Variants in RPS6KA2 observed in about 807,000 individuals in gnomAD.
RPS6KA2 encodes the protein ribosomal protein S6 kinase alpha-2.
RPS6KA2 carries 42 observed loss-of-function variants against 91.8 expected under a neutral mutation model. The ratio of observed to expected loss-of-function variants is 0.46; its 90% CI spans 0.36 to 0.59. The LOEUF (loss-of-function observed/expected upper bound fraction) is 0.59. Among genes scored for constraint, RPS6KA2 ranks in the 20% least tolerant of loss-of-function variants. The pLI is 0.00. For synonymous variants in RPS6KA2, 414 were observed against 393.6 expected, an observed-to-expected ratio of 1.05 and a Z score of -0.61; for missense variants, 798 against 978.5, an observed-to-expected ratio of 0.82 and a Z score of 2.46.
In RPS6KA2 at chr6:166,498,611, C is replaced by T. The variant is rs1284967726; in HGVS notation, c.644G>A (p.Arg215Lys). The T allele has an allele frequency of 1.2e-6, 2 of 1,614,024 alleles. No homozygotes were observed. Among genetic ancestry groups the T allele is most frequent in the Non-Finnish European group, 1.7e-6 (2 of 1,180,008 alleles). ...GATCGTCCCGCAGAAGGAGTACGCT[C>T]TCTTGTCGTGGTCAATGGCCTCCTT... ...LSKEAIDHDK[R>K]AYSFCGTIEY... is the part of the protein sequence containing the mutation. The change falls in exon 8 of 21, where the codon AGA becomes AAA. Residue 215 changes from arginine (R) to lysine (K), a missense_variant. Transcript: ENST00000265678.
intron 8 of RPS6KA2, among the ~76,000 whole-genome samples, chr6:166,492,851 G>A (rs1422710497): frequency 2.0e-5 from 3 of 150,964 alleles, no homozygotes; most frequent in Non-Finnish European, 4.4e-5. Context: ...GAGTAGCTGG[G>A]ACTACAGGCG....
chr6:166,466,489 G>A (rs905021081), intron 11 of RPS6KA2, among the ~76,000 whole-genome samples: 1 of 152,154 alleles, frequency 6.6e-6, no homozygotes, highest in African/African-American at 2.4e-5. Flanking sequence ...CTGGGGGTTC[G>A]GTGTGAAGAG....
intron 2 of RPS6KA2, among the ~76,000 whole-genome samples, chr6:166,778,289 C>T (rs1437754949): frequency 1.3e-5 from 2 of 152,186 alleles, no homozygotes; most frequent in East Asian, 3.8e-4. Context: ...CGACTGGCGC[C>T]GGCCAACTGA....
At chr6:166,505,922 G>A (rs1197678375) in intron 5 of RPS6KA2, among the ~76,000 whole-genome samples, 1 of 152,202 alleles carries the variant, frequency 6.6e-6, no homozygotes, top group South Asian at 2.1e-4. Flanking sequence ...CATGGGTTTT[G>A]TGTACAATTT....
At chr6:166,712,731 T>C (rs1185715808) in intron 2 of RPS6KA2, among the ~76,000 whole-genome samples, 1 of 152,246 alleles carries the variant, frequency 6.6e-6, no homozygotes, top group East Asian at 1.9e-4. Flanking sequence ...TGTCCCTCGA[T>C]GTCTGGAACA....
intron 2 of RPS6KA2, among the ~76,000 whole-genome samples, chr6:166,808,426 G>C (rs1779547318): frequency 6.6e-6 from 1 of 152,142 alleles, no homozygotes; most frequent in South Asian, 2.1e-4. Flanking sequence ...TATTATTACT[G>C]TTATTGCTTT....
chr6:166,661,750 C>A (rs1788170001), intron 2 of RPS6KA2, among the ~76,000 whole-genome samples: 1 of 152,124 alleles, frequency 6.6e-6, no homozygotes, highest in South Asian at 2.1e-4. Flanking sequence ...CCTTTGCATG[C>A]ATGCTTACAA....
intron 2 of RPS6KA2, among the ~76,000 whole-genome samples, chr6:166,764,753 G>T (rs1448637199): frequency 1.3e-5 from 2 of 152,142 alleles, no homozygotes; most frequent in Non-Finnish European, 2.9e-5. Flanking sequence ...CGCGCCACAG[G>T]GACTGGGACA....
chr6:166,848,013 C>T (rs924408983), intron 2 of RPS6KA2, among the ~76,000 whole-genome samples: 21 of 152,120 alleles, frequency 1.4e-4, no homozygotes, highest in African/African-American at 4.8e-4. Context: ...ACCTATACAT[C>T]CAACAAAGGA....
chr6:166,814,863 T>C (rs1178979150), intron 2 of RPS6KA2, among the ~76,000 whole-genome samples: 1 of 152,220 alleles, frequency 6.6e-6, no homozygotes, highest in African/African-American at 2.4e-5. Context: ...TACGTGATGA[T>C]GAGTTGTATC....
intron 2 of RPS6KA2, among the ~76,000 whole-genome samples, chr6:166,798,556 G>A (rs1779282206): frequency 6.6e-6 from 1 of 152,238 alleles, no homozygotes; most frequent in African/African-American, 2.4e-5. Context: ...AGCCTGCTGG[G>A]TGCTGGCCCT....
At chr6:166,527,194 G>T (rs1365166296) in intron 3 of RPS6KA2, among the ~76,000 whole-genome samples, 1 of 152,212 alleles carries the variant, frequency 6.6e-6, no homozygotes, top group East Asian at 1.9e-4. Context: ...ACAGAGCAGA[G>T]CAGGCAGGCA....
rs373378459 is a variant in RPS6KA2 at position 166,469,806 on chromosome 6, G to C, written c.972+35C>G. The C allele has an allele frequency of 7.6e-6, 12 of 1,572,846 alleles. No homozygotes were observed. The African/African-American group carries it at 8.1e-5, about 11-fold the overall frequency. On this transcript the variant is annotated intron_variant, in intron 11 of 20. Coordinates refer to ENST00000265678, the MANE Select transcript of RPS6KA2 (RefSeq NM_021135.6). ...TTCCCTCCACCCACTTCTGTGTCACGCGTGTGCAGGTGGGGACTGTGGCAT... is the reference window on the plus strand; with the variant it reads ...TTCCCTCCACCCACTTCTGTGTCACCCGTGTGCAGGTGGGGACTGTGGCAT...
chr6:166,663,947 C>T (rs995618653), intron 2 of RPS6KA2, among the ~76,000 whole-genome samples: 1 of 152,228 alleles, frequency 6.6e-6, no homozygotes, highest in Non-Finnish European at 1.5e-5. Flanking sequence ...ACCACTTAGA[C>T]TTGAGATGTC....
chr6:166,419,784 C>A lies in RPS6KA2; in HGVS notation c.1820+98G>T. On this transcript the variant is annotated intron_variant, in intron 18 of 20. Coordinates refer to ENST00000265678, the MANE Select transcript of RPS6KA2 (RefSeq NM_021135.6). The surrounding 1 kb of genome is among the most constrained non-coding windows in gnomAD (Gnocchi z 5.6). ...TACACGTTGGGTTTGCCCACATGCG[C>A]ACACTAGGACAGGGCTGGCCCTGGT... 1.8e-6 allele frequency: 2 copies of A among 1,096,428 alleles called. No homozygotes were observed. The highest frequency in any genetic ancestry group is 1.8e-5 in the Admixed American group (1 of 55,646). The allele number at this position is 1,096,428 out of a possible 1,614,324, so 67.9% of individuals were successfully genotyped here.
chr6:166,656,549 G>GCCCGGCAGGTGCT (rs1788007915), intron 2 of RPS6KA2, among the ~76,000 whole-genome samples: 1 of 152,232 alleles, frequency 6.6e-6, no homozygotes, highest in African/African-American at 2.4e-5. Flanking sequence ...CGGCAGGTGG[G>GCCCGGCAGGTGCT]CCCGGCAGGT....
rs1171792671 is a variant in RPS6KA2 at position 166,494,327 on chromosome 6, C to A, written c.748-3586G>T. On this transcript the variant is annotated intron_variant, in intron 8 of 20. Transcript: ENST00000265678. This position sits in a 1 kb window ranked among gnomAD's most constrained non-coding sequence, Gnocchi z 5.1. ...GTCTCAAAACAGCCTTGGAAGGTGC[C>A]GTTCCTCACAACCGTCTACAGATGA... Among the ~76,000 whole-genome samples, 1 of 152,276 alleles carries A rather than the reference C, an allele frequency of 6.6e-6. No homozygotes were observed. The highest frequency in any genetic ancestry group is 1.9e-4 in the East Asian group (1 of 5,168).
At chr6:166,569,520 G>A (rs1016485333) in intron 1 of RPS6KA2, among the ~76,000 whole-genome samples, 6 of 152,170 alleles carry the variant, frequency 3.9e-5, no homozygotes. Context: ...GGTCCCTGCT[G>A]GGGCCGCCCT....
chr6:166,816,963 C>A (rs1004054966), intron 2 of RPS6KA2, among the ~76,000 whole-genome samples: 24 of 152,248 alleles, frequency 1.6e-4, no homozygotes, highest in Middle Eastern at 3.4e-3. Context: ...CGAGTCCACG[C>A]CCCAAACACA....
Sources: allele counts gnomAD v4.1 joint callset (sites outside exome capture counted in the v4.1 genomes callset), GRCh38; gene constraint gnomAD v4.1.1; non-coding constraint Gnocchi (gnomAD v3.1); transcripts MANE v1.5; gene names NCBI Gene and HGNC (gene_info 2026-07-23, HGNC 2026-07-21).